The following MAST4 variants were observed in gnomAD, a reference collection of about 807,000 sequenced individuals.
MAST4 encodes the protein microtubule-associated serine/threonine-protein kinase 4.
In MAST4, 89 loss-of-function variants were observed where a neutral mutation model predicts 162.7. The ratio of observed to expected loss-of-function variants is 0.55; its 90% CI spans 0.46 to 0.65. The LOEUF (loss-of-function observed/expected upper bound fraction) is 0.65, where lower values mean the gene tolerates loss of function less well. Ranked by LOEUF, MAST4 falls within the 30% of genes least tolerant of loss-of-function variation. The pLI is 0.00. For missense variants in MAST4, 3,153 were observed against 3,374.0 expected (o/e 0.93, Z 1.62); for synonymous variants, 1,479 against 1,361.1 (o/e 1.09, Z -1.91).
intron 4 of MAST4, among the ~76,000 whole-genome samples, chr5:66,969,366 C>A (rs573196517): frequency 6.6e-6 from 1 of 152,272 alleles, no homozygotes; most frequent in East Asian, 1.9e-4. Context: ...AGCTTTGTGA[C>A]CCTGGGCAAG....
chr5:66,820,470 T>G (rs1219974169), intron 3 of MAST4, among the ~76,000 whole-genome samples: 1 of 152,248 alleles, frequency 6.6e-6, no homozygotes, highest in Non-Finnish European at 1.5e-5. Flanking sequence ...TATGGGACTT[T>G]GCTAAATATT....
chr5:66,954,576 A>G (rs1745079133), intron 4 of MAST4, among the ~76,000 whole-genome samples: 1 of 152,190 alleles, frequency 6.6e-6, no homozygotes, highest in South Asian at 2.1e-4. Flanking sequence ...CAGACAATAA[A>G]TAAATATATG....
chr5:66,818,330 A>G (rs984034778), intron 3 of MAST4, among the ~76,000 whole-genome samples: 2 of 152,102 alleles, frequency 1.3e-5, no homozygotes, highest in African/African-American at 4.8e-5. Context: ...AGAGCCATGG[A>G]CTCAATGTAT....
In MAST4 at chr5:66,807,324, G is replaced by A. The variant is rs186713425; in HGVS notation, c.642+18530G>A. ...ATCCTGGCTAACAAGGTGAAACCCC[G>A]TCTCTACTAAAAATACAAAAAATTA... On this transcript the variant is annotated intron_variant, in intron 3 of 28. Coordinates refer to ENST00000403625, the MANE Select transcript of MAST4 (RefSeq NM_001164664.2). 9.0e-3 allele frequency among the ~76,000 whole-genome samples: 1,375 copies of A among 151,956 alleles called. 26 individuals are homozygous for A. Among genetic ancestry groups the A allele is most frequent in the African/African-American group, 0.03 (1,262 of 41,448 alleles).
intron 19 of MAST4, among the ~76,000 whole-genome samples, chr5:67,137,540 T>C (rs541400366): frequency 6.6e-6 from 1 of 152,312 alleles, no homozygotes; most frequent in African/African-American, 2.4e-5. Flanking sequence ...GAAGAAATCA[T>C]TTTCTCCCCC....
At chr5:66,607,083 A>G (rs759606487) in intron 1 of MAST4, among the ~76,000 whole-genome samples, 21 of 152,160 alleles carry the variant, frequency 1.4e-4, no homozygotes, top group Non-Finnish European at 2.6e-4. Context: ...TCAACCTCAT[A>G]CAAGTGAGGA....
chr5:66,911,570 C>G lies in MAST4; in HGVS notation c.674+11588C>G, dbSNP rs200780896. Reference sequence around the variant, plus strand: ...ACAAACAACAACAACCCCCCCCCCCCCCCCCGCAAAAAAAAATTAGCTAGG... The same window carrying G: ...ACAAACAACAACAACCCCCCCCCCCGCCCCCGCAAAAAAAAATTAGCTAGG... On this transcript the variant is annotated intron_variant, in intron 4 of 28. Coordinates refer to ENST00000403625, the MANE Select transcript of MAST4 (RefSeq NM_001164664.2). Among the ~76,000 whole-genome samples, 8 of 84,228 alleles carry G rather than the reference C, an allele frequency of 9.5e-5. 2 individuals carry two copies. Among genetic ancestry groups the G allele is most frequent in the Middle Eastern group, 4.7e-3 (1 of 212 alleles). The allele number at this position is 84,228 out of a possible 152,430, so 55.3% of individuals were successfully genotyped here. A position where few individuals can be genotyped will look rare whatever the true frequency, so the allele number is the denominator to read the frequency against.
Position 66,628,722 on chromosome 5 carries a change from A to C in MAST4, c.363+31704A>C, listed in dbSNP as rs76009590. ...GTATTTGCTGGAAGAGGAGGGCCAAAACTTGCTTCTGGATTTCGTAGCATT... is the reference window on the plus strand; with the variant it reads ...GTATTTGCTGGAAGAGGAGGGCCAACACTTGCTTCTGGATTTCGTAGCATT... On this transcript the variant is annotated intron_variant, in intron 1 of 28. Transcript: ENST00000403625. Among the ~76,000 whole-genome samples the C allele has an allele frequency of 1.2e-3, 190 of 152,300 alleles. 1 individual carries two copies. The highest frequency in any genetic ancestry group is 4.5e-3 in the African/African-American group (186 of 41,568).
chr5:66,689,966 A>G (rs575046530), intron 1 of MAST4, among the ~76,000 whole-genome samples: 10 of 152,248 alleles, frequency 6.6e-5, no homozygotes, highest in African/African-American at 2.2e-4. Flanking sequence ...GGCCTCCTCT[A>G]TTGGAAAGCT....
intron 4 of MAST4, among the ~76,000 whole-genome samples, chr5:66,921,474 C>G (rs544831679): frequency 1.3e-5 from 2 of 152,104 alleles, no homozygotes; most frequent in Admixed American, 1.3e-4. Context: ...ATTAAAACTG[C>G]GGCCAGGCAT....
chr5:66,780,870 C>T (rs1321876338), intron 2 of MAST4, among the ~76,000 whole-genome samples: 1 of 152,198 alleles, frequency 6.6e-6, no homozygotes, highest in African/African-American at 2.4e-5. Context: ...ACACAGAGCG[C>T]TGATTGGTGC....
At position 66,820,040 on chromosome 5, in the gene MAST4, G is replaced by A. The variant is rs1228563641; in HGVS notation, c.642+31246G>A. On this transcript the variant is annotated intron_variant, in intron 3 of 28. Transcript: ENST00000403625. ...AAACTATGTTGCCCAGGCCTGTCTC[G>A]AACTCCTGGGCTAAAGCAATCCACC... Among the ~76,000 whole-genome samples, 7 of 148,036 alleles carry A rather than the reference G, an allele frequency of 4.7e-5. No individual in the cohort carries two copies. The South Asian group carries it at 8.5e-4, about 18-fold the overall frequency.
At chr5:66,967,972 C>T (rs1046000684) in intron 4 of MAST4, among the ~76,000 whole-genome samples, 1 of 152,134 alleles carries the variant, frequency 6.6e-6, no homozygotes, top group Non-Finnish European at 1.5e-5. Context: ...ACATCAGTGC[C>T]TCCTGAGTAA....
intron 23 of MAST4, among the ~76,000 whole-genome samples, chr5:67,146,826 C>T (rs73766484): frequency 0.012 from 1,854 of 152,200 alleles, 39 homozygotes; most frequent in African/African-American, 0.042. Flanking sequence ...TAAAGGCAAC[C>T]TATTAGACTA....
At chr5:67,106,322 C>T (rs189403298) in intron 10 of MAST4, among the ~76,000 whole-genome samples, 1 of 152,182 alleles carries the variant, frequency 6.6e-6, no homozygotes, top group Admixed American at 6.5e-5. Flanking sequence ...TCTACCTGGG[C>T]AGCCCACTGA....
At chr5:67,011,315 G>A (rs1752643078) in intron 4 of MAST4, among the ~76,000 whole-genome samples, 1 of 152,034 alleles carries the variant, frequency 6.6e-6, no homozygotes, top group South Asian at 2.1e-4. Context: ...TGACCTGCAG[G>A]CTCTGCCCCT....
rs775392676 is a variant in MAST4 at position 67,145,196 on chromosome 5, C to T, written c.2911C>T (p.Leu971Phe). Reference protein sequence around the residue: ...SSDTESNRHKLSSGLLPKLAI... With the variant: ...SSDTESNRHKFSSGLLPKLAI... ...AGATACTGAAAGCAACAGACATAAACTCAGTTCTGGCCTACTTCCCAAACT... is the reference window on the plus strand; with the variant it reads ...AGATACTGAAAGCAACAGACATAAATTCAGTTCTGGCCTACTTCCCAAACT... Residue 971 changes from leucine to phenylalanine, a missense_variant, in exon 23 of 29, where the codon CTC becomes TTC. Coordinates refer to ENST00000403625, the MANE Select transcript of MAST4 (RefSeq NM_001164664.2). The T allele has an allele frequency of 9.3e-6, 15 of 1,613,280 alleles. 1 individual carries two copies. In the East Asian group the frequency reaches 3.1e-4, roughly 34 times the overall value.
intron 4 of MAST4, among the ~76,000 whole-genome samples, chr5:67,023,417 A>G (rs1219787464): frequency 3.3e-5 from 5 of 152,184 alleles, no homozygotes; most frequent in African/African-American, 4.8e-5. Flanking sequence ...ATTACATGGT[A>G]GCACATGATC....
intron 1 of MAST4, among the ~76,000 whole-genome samples, chr5:66,718,896 C>T (rs780992029): frequency 2.0e-5 from 3 of 152,142 alleles, no homozygotes; most frequent in Admixed American, 6.5e-5. Context: ...CATGACCTGG[C>T]GTCATTCTTA....
Sources: allele counts gnomAD v4.1 joint callset (sites outside exome capture counted in the v4.1 genomes callset), GRCh38; gene constraint gnomAD v4.1.1; transcripts MANE v1.5; gene names NCBI Gene and HGNC (gene_info 2026-07-23, HGNC 2026-07-21).